Variants in CAMTA1 observed in about 807,000 individuals in gnomAD.
The protein encoded by CAMTA1 is calmodulin-binding transcription activator 1.
In CAMTA1, 27 loss-of-function variants were observed where a neutral mutation model predicts 170.9. The ratio of observed to expected loss-of-function variants is 0.16; its 90% CI spans 0.12 to 0.22. The LOEUF is 0.22. Ranked by LOEUF, CAMTA1 falls within the 10% of genes least tolerant of loss-of-function variation. The pLI is 1.00. For synonymous variants in CAMTA1, 833 were observed against 891.5 expected (o/e 0.93, Z 1.17); for missense variants, 1,619 against 2,217.2 (o/e 0.73, Z 5.42).
intron 6 of CAMTA1, among the ~76,000 whole-genome samples, chr1:7,533,873 C>T (rs571217388): frequency 3.9e-5 from 6 of 152,116 alleles, no homozygotes; most frequent in South Asian, 4.2e-4. Context: ...GCAGTCACAC[C>T]ACTGCACTCT....
intron 11 of CAMTA1, among the ~76,000 whole-genome samples, chr1:7,704,158 ACGC>A (rs563084091): frequency 1.5e-4 from 22 of 150,100 alleles, no homozygotes; most frequent in African/African-American, 5.1e-4. Flanking sequence ...TGCATTGCAG[ACGC>A]CGCCGCCGCA....
intron 11 of CAMTA1, among the ~76,000 whole-genome samples, chr1:7,725,536 A>G (rs577946659): frequency 6.6e-5 from 10 of 152,374 alleles, no homozygotes; most frequent in African/African-American, 2.4e-4. Context: ...GATGCCTCAC[A>G]TACCCATGCT....
chr1:7,471,338 C>T (rs991474538), intron 6 of CAMTA1, among the ~76,000 whole-genome samples: 1 of 152,236 alleles, frequency 6.6e-6, no homozygotes, highest in African/African-American at 2.4e-5. Context: ...GGCCCATAGG[C>T]TCATAAAGCC....
chr1:7,487,766 C>T (rs2093636852), intron 6 of CAMTA1, among the ~76,000 whole-genome samples: 1 of 152,232 alleles, frequency 6.6e-6, no homozygotes, highest in Non-Finnish European at 1.5e-5. Flanking sequence ...CCAGAGCATT[C>T]TTATCGCCCC....
chr1:7,275,564 A>C (rs1670470897), intron 5 of CAMTA1, among the ~76,000 whole-genome samples: 1 of 152,108 alleles, frequency 6.6e-6, no homozygotes, highest in Admixed American at 6.5e-5. Flanking sequence ...ATATGAGTAA[A>C]AAGGATGCAT....
intron 5 of CAMTA1, among the ~76,000 whole-genome samples, chr1:7,402,659 T>C (rs2089991601): frequency 6.6e-6 from 1 of 152,198 alleles, no homozygotes; most frequent in African/African-American, 2.4e-5. Context: ...GCAGTTGTCT[T>C]GGGAGGGCCT....
intron 6 of CAMTA1, among the ~76,000 whole-genome samples, chr1:7,492,813 G>A (rs1426907293): frequency 4.0e-5 from 5 of 124,632 alleles, no homozygotes; most frequent in Admixed American, 2.5e-4. Context: ...ACACATGCGC[G>A]CACAGACACA....
chr1:7,461,966 G>A (rs1032184630), intron 5 of CAMTA1, among the ~76,000 whole-genome samples: 12 of 152,336 alleles, frequency 7.9e-5, no homozygotes, highest in Middle Eastern at 3.4e-3. Flanking sequence ...GCCTAAGGGC[G>A]CACAGGAAAT....
At chr1:7,587,117 G>A (rs548351782) in intron 6 of CAMTA1, among the ~76,000 whole-genome samples, 1 of 151,704 alleles carries the variant, frequency 6.6e-6, no homozygotes, top group South Asian at 2.1e-4. Flanking sequence ...CTGTCTGCAC[G>A]CCTTCCCTTC....
chr1:7,415,008 C>T (rs74547850), intron 5 of CAMTA1, among the ~76,000 whole-genome samples: 114,300 of 136,080 alleles, frequency 0.84, 46,923 homozygotes, highest in Middle Eastern at 0.89. Context: ...GCCTTCATTT[C>T]GTTATGTACC....
rs1708908593 is a variant in CAMTA1, at chr1:7,066,000, C to A, written c.235-25304C>A. 6.6e-6 allele frequency among the ~76,000 whole-genome samples: 1 copy of A among 152,066 alleles called. No homozygotes were observed. Among genetic ancestry groups the A allele is most frequent in the Non-Finnish European group, 1.5e-5 (1 of 68,036 alleles). On this transcript the variant is annotated intron_variant, in intron 3 of 22. Transcript: ENST00000303635. The surrounding 1 kb of genome is among the most constrained non-coding windows in gnomAD (Gnocchi z 5.2). ...GCAAGCACAAGGCGGAGAAATGAGA[C>A]CTGCTGGTGCTTACACCAGAACTGA...
At chr1:7,005,815 C>G (rs957009185) in intron 3 of CAMTA1, among the ~76,000 whole-genome samples, 2 of 152,188 alleles carry the variant, frequency 1.3e-5, no homozygotes, top group Non-Finnish European at 2.9e-5. Context: ...TACTTTGAGT[C>G]CTGTGTACTT....
rs1173927319 is a variant in CAMTA1 at position 7,144,511 on chromosome 1, C to T, written c.302+53140C>T. Among the ~76,000 whole-genome samples the T allele has an allele frequency of 6.6e-6, 1 of 151,936 alleles. No individual in the cohort carries two copies. The highest frequency in any genetic ancestry group is 2.4e-5 in the African/African-American group (1 of 41,346). ...ATTCAACCCCTCATGCTATCAGGAC[C>T]GATATATATAACACTAGGCAGGATT... On this transcript the variant is annotated intron_variant, in intron 4 of 22. Coordinates refer to ENST00000303635, the MANE Select transcript of CAMTA1 (RefSeq NM_015215.4). The surrounding 1 kb of genome is among the most constrained non-coding windows in gnomAD (Gnocchi z 4.0).
At position 7,381,623 on chromosome 1, in the gene CAMTA1, A is replaced by G. The variant is rs556392219; in HGVS notation, c.439-86207A>G. Among the ~76,000 whole-genome samples the G allele has an allele frequency of 5.3e-5, 8 of 151,668 alleles. 1 individual carries two copies. The South Asian group carries it at 1.5e-3, about 28-fold the overall frequency. The stretch of plus-strand genomic sequence containing the variant: ...AGTGCCGCAATAAACACATGTGTGC[A>G]TGTGTCTTTATAGCAGCATGATTTA... On this transcript the variant is annotated intron_variant, in intron 5 of 22. Transcript: ENST00000303635.
At chr1:6,943,624 G>A (rs933298199) in intron 3 of CAMTA1, among the ~76,000 whole-genome samples, 18 of 152,004 alleles carry the variant, frequency 1.2e-4, no homozygotes, top group Non-Finnish European at 1.6e-4. Flanking sequence ...CGAGGTGGGC[G>A]GATCACGAGA....
At position 7,675,440 on chromosome 1, in the gene CAMTA1, T is replaced by C. The variant is rs369355666; in HGVS notation, c.2780-2159T>C. 2.7e-3 allele frequency among the ~76,000 whole-genome samples: 418 copies of C among 152,110 alleles called. 6 individuals are homozygous for C. Among genetic ancestry groups the C allele is most frequent in the Middle Eastern group, 0.027 (8 of 294 alleles). On this transcript the variant is annotated intron_variant, in intron 10 of 22. Coordinates refer to ENST00000303635, the MANE Select transcript of CAMTA1 (RefSeq NM_015215.4). ...TGATGTCTTTAAAGATGATTCTGGG[T>C]GTGTGGGAAAGATGATTCTAGGTTG...
intron 3 of CAMTA1, among the ~76,000 whole-genome samples, chr1:6,902,063 ACACACACAC>A (rs1557793101): frequency 9.1e-6 from 1 of 109,672 alleles, no homozygotes; most frequent in Non-Finnish European, 2.0e-5. Flanking sequence ...ACACACACAC[ACACACACAC>A]AAAAAAAAAA....
chr1:6,904,879 C>T (rs544678885), intron 3 of CAMTA1, among the ~76,000 whole-genome samples: 82 of 151,920 alleles, frequency 5.4e-4, no homozygotes, highest in African/African-American at 1.9e-3. Flanking sequence ...AGGCGTGAGC[C>T]GCCACACCTG....
intron 4 of CAMTA1, among the ~76,000 whole-genome samples, chr1:7,240,460 G>A (rs1053090556): frequency 2.7e-5 from 4 of 150,788 alleles, no homozygotes; most frequent in African/African-American, 9.7e-5. Flanking sequence ...GTCGAATGTT[G>A]ATGTTCAAAT....
Sources: allele counts gnomAD v4.1 joint callset (sites outside exome capture counted in the v4.1 genomes callset), GRCh38; gene constraint gnomAD v4.1.1; non-coding constraint Gnocchi (gnomAD v3.1); transcripts MANE v1.5; gene names NCBI Gene and HGNC (gene_info 2026-07-23, HGNC 2026-07-21).